AHCY: variants seen among roughly 807,000 people sequenced by gnomAD.
AHCY encodes S-adenosyl-L-homocysteine hydrolase.
A neutral mutation model predicts 45.4 loss-of-function variants in AHCY; 24 were observed. That is an observed-to-expected ratio of 0.53 (90% CI 0.38 to 0.74). The LOEUF (loss-of-function observed/expected upper bound fraction) is 0.74, where lower values mean the gene tolerates loss of function less well. Ranked by LOEUF, AHCY falls within the 30% of genes least tolerant of loss-of-function variation. The pLI, the probability that AHCY is intolerant of heterozygous loss-of-function variation, is 0.00. For synonymous variants in AHCY, 245 were observed against 235.1 expected (o/e 1.04, Z -0.39); for missense variants, 449 against 594.1 (o/e 0.76, Z 2.54).
chr20:34,246,392 G>A, the AHCY span: 2 of 1,373,574 alleles, frequency 1.5e-6, no homozygotes, highest in Non-Finnish European at 2.0e-6. Context: ...TTTACAATGA[G>A]CAACATCAGG....
At chr20:34,237,795 T>C in the AHCY span, among the ~76,000 whole-genome samples, 2 of 152,210 alleles carry the variant, frequency 1.3e-5, no homozygotes, top group African/African-American at 4.8e-5. Context: ...GTTTTTCATA[T>C]ATGGCTTTTA....
At chr20:34,276,353 A>G (rs1460504885), downstream of AHCY, among the ~76,000 whole-genome samples, 1 of 152,164 alleles carries the variant, frequency 6.6e-6, no homozygotes, top group Non-Finnish European at 1.5e-5. Context: ...GGGAATAAAT[A>G]CAAGCCAGCA....
At chr20:34,256,462 G>A in the AHCY span, among the ~76,000 whole-genome samples, 5 of 152,214 alleles carry the variant, frequency 3.3e-5, no homozygotes, top group East Asian at 1.9e-4. Context: ...GATAACACCC[G>A]GCTAATTTTT....
the AHCY span, among the ~76,000 whole-genome samples, chr20:34,238,553 C>T: frequency 1.3e-5 from 2 of 151,986 alleles, no homozygotes; most frequent in Non-Finnish European, 2.9e-5. Flanking sequence ...TCCCCTTTTG[C>T]TTGTACTTGT....
the AHCY span, among the ~76,000 whole-genome samples, chr20:34,235,899 AAAGGAAGG>A: frequency 6.2e-5 from 4 of 64,600 alleles, no homozygotes; most frequent in Non-Finnish European, 1.0e-4. Context: ...GGAAGGAAGG[AAAGGAAGG>A]AAGGAAGGAA....
the AHCY span, among the ~76,000 whole-genome samples, chr20:34,259,379 G>T: frequency 1.3e-5 from 2 of 151,754 alleles, no homozygotes; most frequent in Non-Finnish European, 2.9e-5. Flanking sequence ...CAGGTGTGGT[G>T]GTGGGCACCT....
the AHCY span, among the ~76,000 whole-genome samples, chr20:34,253,441 A>T: frequency 8.9e-6 from 1 of 111,982 alleles, no homozygotes; most frequent in South Asian, 3.0e-4. Flanking sequence ...TCTTATTTTT[A>T]TTTTATTTTA....
chr20:34,277,215 G>T (rs1425775299), downstream of AHCY, among the ~76,000 whole-genome samples: 2 of 152,134 alleles, frequency 1.3e-5, no homozygotes. Context: ...TGGGCATGGG[G>T]CTTGGTGTGC....
At chr20:34,283,074 G>A (rs2036055308) in intron 9 of AHCY, among the ~76,000 whole-genome samples, 1 of 152,174 alleles carries the variant, frequency 6.6e-6, no homozygotes, top group Admixed American at 6.5e-5. Flanking sequence ...AGTAGGACCA[G>A]GGCCCAGCCT....
At position 34,280,826 on chromosome 20, in the gene AHCY, G is replaced by C. The variant is rs546058381; in HGVS notation, c.*208C>G. On this transcript the variant is annotated 3_prime_UTR_variant, in exon 10 of 10. Coordinates refer to ENST00000217426, the MANE Select transcript of AHCY (RefSeq NM_000687.4). ...TGTGGCTGGGACCTCCATCATGACCGGGGCTTGAAGAGGGTACTCTGTTCC... is the reference window on the plus strand; with the variant it reads ...TGTGGCTGGGACCTCCATCATGACCCGGGCTTGAAGAGGGTACTCTGTTCC... The C allele has an allele frequency of 1.0e-4, 69 of 687,146 alleles. 1 individual carries two copies. The Admixed American group carries it at 1.2e-3, about 12-fold the overall frequency. 42.6% of individuals were successfully genotyped at this position (687,146 alleles called of 1,614,324 possible).
At chr20:34,260,543 C>G in the AHCY span, 1 of 1,603,168 alleles carries the variant, frequency 6.2e-7, no homozygotes, top group Non-Finnish European at 8.5e-7. Flanking sequence ...GGGTAAGTCA[C>G]CTAGCCTCTG....
At chr20:34,245,320 T>C in the AHCY span, among the ~76,000 whole-genome samples, 38,317 of 132,940 alleles carry the variant, frequency 0.29, 9,688 homozygotes, top group African/African-American at 0.7. Context: ...GGCGACAGTG[T>C]GAGACTCTGT....
the AHCY span, among the ~76,000 whole-genome samples, chr20:34,251,238 C>T: frequency 6.6e-6 from 1 of 152,068 alleles, no homozygotes; most frequent in Admixed American, 6.5e-5. Flanking sequence ...CTTAAGGAAA[C>T]ATAATAAGTG....
At chr20:34,234,992 G>A in the AHCY span, 1 of 152,084 alleles carries the variant, frequency 6.6e-6, no homozygotes, top group African/African-American at 2.4e-5. Context: ...AAAATCCATG[G>A]CTAATGTTGC....
chr20:34,245,719 C>A, the AHCY span, among the ~76,000 whole-genome samples: 1 of 151,904 alleles, frequency 6.6e-6, no homozygotes, highest in African/African-American at 2.4e-5. Context: ...TGACTAAATT[C>A]TATTCATGCA....
rs1036880480 is a variant in AHCY, at chr20:34,301,728, G to C, written c.28+1515C>G. ...CACAGTATGACAAGCCCCCATTCCA[G>C]CTCTACTATTGATGTGACCTTCACA... On this transcript the variant is annotated intron_variant, in intron 1 of 9. Transcript: ENST00000217426. The C allele has an allele frequency of 5.0e-6, 4 of 804,764 alleles. No individual in the cohort carries two copies. The African/African-American group carries it at 7.5e-5, about 15-fold the overall frequency. 49.9% of individuals were successfully genotyped at this position (804,764 alleles called of 1,614,324 possible). A position where few individuals can be genotyped will look rare whatever the true frequency, so the allele number is the denominator to read the frequency against.
At chr20:34,248,003 C>T in the AHCY span, among the ~76,000 whole-genome samples, 1 of 152,084 alleles carries the variant, frequency 6.6e-6, no homozygotes, top group Non-Finnish European at 1.5e-5. Flanking sequence ...ATCAAGAGTT[C>T]GAGACCAGCC....
chr20:34,299,617 G>A (rs927604665), intron 1 of AHCY, among the ~76,000 whole-genome samples: 1 of 152,134 alleles, frequency 6.6e-6, no homozygotes, highest in African/African-American at 2.4e-5. Flanking sequence ...GAGACTCGAT[G>A]TGATCCAACT....
At chr20:34,308,142 T>G (rs1037691400), upstream of AHCY, among the ~76,000 whole-genome samples, 3 of 152,250 alleles carry the variant, frequency 2.0e-5, no homozygotes, top group South Asian at 2.1e-4. Context: ...TTCTTTTTTA[T>G]GCATGCATAG....
Sources: allele counts gnomAD v4.1 joint callset (sites outside exome capture counted in the v4.1 genomes callset), GRCh38; gene constraint gnomAD v4.1.1; transcripts MANE v1.5; gene names NCBI Gene and HGNC (gene_info 2026-07-23, HGNC 2026-07-21).